The following FRMPD1 variants were observed in gnomAD, a reference collection of about 807,000 sequenced individuals.
FRMPD1 encodes the protein FERM and PDZ domain containing 1, also known as FERM and PDZ domain-containing protein 1.
In FRMPD1, 76 loss-of-function variants were observed where a neutral mutation model predicts 117.8. The ratio of observed to expected loss-of-function variants is 0.65; its 90% confidence interval spans 0.54 to 0.78. The LOEUF (loss-of-function observed/expected upper bound fraction) is 0.78. Among genes scored for constraint, FRMPD1 ranks in the 30% least tolerant of loss-of-function variants. The pLI is 0.00. For synonymous variants in FRMPD1, 783 were observed against 770.4 expected, an observed-to-expected ratio of 1.02 and a Z score of -0.27; for missense variants, 1,786 against 1,964.5, an observed-to-expected ratio of 0.91 and a Z score of 1.72.
intron 2 of FRMPD1, chr9:37,693,382 C>T (rs1158683888): frequency 6.6e-6 from 1 of 152,242 alleles, no homozygotes; most frequent in Non-Finnish European, 1.5e-5. Context: ...CTGGCCCTGC[C>T]ACAGAGATGA....
chr9:37,709,573 A>G (rs1822836686), intron 4 of FRMPD1, among the ~76,000 whole-genome samples: 1 of 152,184 alleles, frequency 6.6e-6, no homozygotes, highest in East Asian at 1.9e-4. Flanking sequence ...AGAGAAAGAA[A>G]AAGAAAAGAA....
intron 12 of FRMPD1, among the ~76,000 whole-genome samples, chr9:37,734,342 T>A (rs747434937): frequency 1.3e-5 from 2 of 151,730 alleles, no homozygotes; most frequent in Non-Finnish European, 2.9e-5. Context: ...AAAATAAGAG[T>A]GTTTGACTGC....
Position 37,744,481 on chromosome 9 carries a change from C to T in FRMPD1, c.2449C>T (p.Pro817Ser). ...CCCTGAGAACAGCCTGCCTTGTGGG[C>T]CAGATGGAAGACAGCCAAGCAGGAG... is the stretch of plus-strand genomic sequence containing the variant. ...SSPENSLPCG[P>S]DGRQPSRRGG... Residue 817 changes from proline to serine, a missense_variant, in exon 16 of 16, where the codon CCA becomes TCA. Pro to Ser is a moderately conservative substitution (Grantham distance 74). Coordinates refer to ENST00000377765, the MANE Select transcript of FRMPD1 (RefSeq NM_014907.3). The T allele has an allele frequency of 6.2e-7, 1 of 1,614,026 alleles. No homozygotes were observed. The highest frequency in any genetic ancestry group is 8.5e-7 in the Non-Finnish European group (1 of 1,179,954).
chr9:37,668,199 A>T (rs1052301510), intron 1 of FRMPD1: 11 of 152,232 alleles, frequency 7.2e-5, no homozygotes, highest in African/African-American at 2.7e-4. Flanking sequence ...TGAGGTCTTG[A>T]GGATGAGAAT....
At chr9:37,713,769 A>G (rs138019429) in intron 5 of FRMPD1, among the ~76,000 whole-genome samples, 2 of 152,278 alleles carry the variant, frequency 1.3e-5, no homozygotes, top group East Asian at 3.9e-4. Context: ...AAACTTGGAC[A>G]TTTGTTTAAG....
chr9:37,740,680 T>A lies in FRMPD1; in HGVS notation c.2152T>A (p.Tyr718Asn). ...GTGTTCCAGTGTCTCCCCGGCCAGC[T>A]ACCTGAGTGACAGTTCCGAGAGTAC... ...SLCSSVSPASYLSDSSESTAS... is the reference protein window; with the variant it reads ...SLCSSVSPASNLSDSSESTAS... The change falls in exon 15 of 16, where the codon TAC becomes AAC. Residue 718 changes from tyrosine to asparagine, a missense_variant. Transcript: ENST00000377765. The surrounding 1 kb of genome is among the most constrained non-coding windows in gnomAD (Gnocchi z 4.2). 6.2e-7 allele frequency: 1 copy of A among 1,614,152 alleles called. No homozygotes were observed. The highest frequency in any genetic ancestry group is 8.5e-7 in the Non-Finnish European group (1 of 1,180,018).
chr9:37,696,392 G>A (rs1034131177), intron 2 of FRMPD1, among the ~76,000 whole-genome samples: 1 of 151,880 alleles, frequency 6.6e-6, no homozygotes, highest in African/African-American at 2.4e-5. Context: ...ATGAGACCAG[G>A]GACCCTGACT....
At chr9:37,734,770 T>C (rs1398845407) in intron 12 of FRMPD1, among the ~76,000 whole-genome samples, 1 of 152,074 alleles carries the variant, frequency 6.6e-6, no homozygotes, top group Non-Finnish European at 1.5e-5. Context: ...GAAACACAGA[T>C]GGATTCTTCG....
intron 15 of FRMPD1, among the ~76,000 whole-genome samples, chr9:37,743,520 CTTTTTTTTTTTTTT>C (rs531949141): frequency 0.011 from 452 of 40,918 alleles, 6 homozygotes; most frequent in East Asian, 0.024. Flanking sequence ...AATGGCTCTG[CTTTTTTTTTTTTTT>C]TTTTTTTTTT....
chr9:37,613,037 A>G, the FRMPD1 span, among the ~76,000 whole-genome samples: 4 of 152,192 alleles, frequency 2.6e-5, no homozygotes, highest in Non-Finnish European at 2.9e-5. Flanking sequence ...AAAAAGCAAG[A>G]AGTTCTTTCC....
the FRMPD1 span, among the ~76,000 whole-genome samples, chr9:37,630,717 G>A: frequency 6.6e-6 from 1 of 152,090 alleles, no homozygotes; most frequent in African/African-American, 2.4e-5. Context: ...ACTTTCTTAT[G>A]ACCCCTGTGT....
chr9:37,653,319 G>C (rs1820737919), intron 1 of FRMPD1, among the ~76,000 whole-genome samples: 2 of 152,202 alleles, frequency 1.3e-5, no homozygotes. Flanking sequence ...TTATCAGAGG[G>C]TTCATGGGCA....
In FRMPD1 at chr9:37,745,189, G is replaced by C. The variant is rs140060150; in HGVS notation, c.3157G>C (p.Glu1053Gln). Residue 1053 changes from glutamate (E) to glutamine (Q), a missense_variant, in exon 16 of 16, where the codon GAA becomes CAA. By Grantham distance (29) the Glu-to-Gln change is conservative. Coordinates refer to ENST00000377765, the MANE Select transcript of FRMPD1 (RefSeq NM_014907.3). ...ELQLEPHVQLEMGLESFCTNH... is the reference protein window; with the variant it reads ...ELQLEPHVQLQMGLESFCTNH... Reference sequence around the variant, plus strand: ...CCAGTTGGAGCCCCATGTCCAGTTGGAAATGGGATTGGAATCTTTTTGTAC... The same window carrying C: ...CCAGTTGGAGCCCCATGTCCAGTTGCAAATGGGATTGGAATCTTTTTGTAC... The C allele has an allele frequency of 1.8e-4, 285 of 1,614,038 alleles. 1 individual carries two copies. The African/African-American group carries it at 3.1e-3, about 17-fold the overall frequency.
the FRMPD1 span, among the ~76,000 whole-genome samples, chr9:37,603,495 C>T: frequency 1.3e-5 from 2 of 152,140 alleles, no homozygotes; most frequent in African/African-American, 4.8e-5. Flanking sequence ...AATAGTTCGA[C>T]CGCTGTGTCT....
chr9:37,652,435 G>GT (rs896872426), intron 1 of FRMPD1, among the ~76,000 whole-genome samples: 1 of 152,198 alleles, frequency 6.6e-6, no homozygotes. Flanking sequence ...TGTTCCCCTT[G>GT]TGCTGCAATT....
upstream of FRMPD1, among the ~76,000 whole-genome samples, chr9:37,647,049 T>C (rs1009115654): frequency 6.6e-6 from 1 of 152,098 alleles, no homozygotes; most frequent in African/African-American, 2.4e-5. Flanking sequence ...TATGGGCTAT[T>C]ACATGGTGTC....
chr9:37,689,304 T>C (rs1822053682), intron 1 of FRMPD1, among the ~76,000 whole-genome samples: 13 of 152,134 alleles, frequency 8.5e-5, no homozygotes, highest in Admixed American at 7.9e-4. Context: ...ATATTGTTCA[T>C]TGTTGAGCCA....
intron 6 of FRMPD1, among the ~76,000 whole-genome samples, chr9:37,721,485 G>A (rs1426292043): frequency 2.6e-5 from 4 of 152,138 alleles, no homozygotes; most frequent in Non-Finnish European, 4.4e-5. Context: ...TTTATACTTA[G>A]CAAATGAGCA....
At chr9:37,652,024 T>C (rs1820690406) in intron 1 of FRMPD1, among the ~76,000 whole-genome samples, 1 of 152,248 alleles carries the variant, frequency 6.6e-6, no homozygotes, top group South Asian at 2.1e-4. Flanking sequence ...GAACGCTCAG[T>C]TCGCCTTCTT....
Sources: gnomAD v4.1 joint callset for allele counts (sites outside exome capture counted in the v4.1 genomes callset) on GRCh38, gnomAD v4.1.1 for gene constraint, Gnocchi (gnomAD v3.1) non-coding constraint, MANE v1.5 for transcripts, NCBI Gene and HGNC (gene_info 2026-07-23, HGNC 2026-07-21) for gene names.